ATM: variants seen among roughly 807,000 people sequenced by gnomAD.
The protein encoded by ATM is ATM serine/threonine kinase.
A neutral mutation model predicts 387.0 loss-of-function variants in ATM; 308 were observed. That is an observed-to-expected ratio of 0.80 (90% CI 0.73 to 0.87). The LOEUF is 0.87. ATM is among the 40% of genes least tolerant of loss of function. The pLI, the probability that ATM is intolerant of heterozygous loss-of-function variation, is 0.00. For missense variants in ATM, 3,312 were observed against 3,560.9 expected (o/e 0.93, Z 1.78); for synonymous variants, 1,156 against 1,187.3 (o/e 0.97, Z 0.54).
chr11:108,349,857 G>A (rs1270309831), intron 59 of ATM, among the ~76,000 whole-genome samples: 2 of 152,136 alleles, frequency 1.3e-5, no homozygotes, highest in Non-Finnish European at 2.9e-5. Context: ...CATAAAGTAC[G>A]TGAGTCTGAT....
chr11:108,250,163 T>G (rs2080055538), intron 9 of ATM, among the ~76,000 whole-genome samples: 1 of 150,822 alleles, frequency 6.6e-6, no homozygotes. Context: ...TATATATATA[T>G]ATTTTCTGAG....
intron 59 of ATM, among the ~76,000 whole-genome samples, chr11:108,350,493 C>T (rs1398966382): frequency 1.3e-5 from 2 of 152,158 alleles, no homozygotes; most frequent in East Asian, 1.9e-4. Context: ...GAGTACAACC[C>T]ATATGAGTGG....
In ATM at chr11:108,315,991, T is replaced by G. The variant is rs746766702; in HGVS notation, c.6096-20T>G. On this transcript the variant is annotated intron_variant, in intron 41 of 62. Transcript: ENST00000675843. ...TGTGTGTGTAAAACCCAAAGCTATT[T>G]TCACAATCTTTTCTTATAGACTACG... 3 of 1,613,298 alleles carry G rather than the reference T, an allele frequency of 1.9e-6. No individual in the cohort carries two copies. The Admixed American group carries it at 5.0e-5, about 27-fold the overall frequency.
chr11:108,258,947 TTTCTTTGTTGCTTGG>T (rs1258899283), intron 15 of ATM, 24 bp from the exon 16 acceptor site: 1 of 1,518,948 alleles, frequency 6.6e-7, no homozygotes, highest in East Asian at 2.3e-5. Flanking sequence ...ATTGTTTTTA[TTTCTTTGTTGCTTGG>T]TTCTTTGTTT....
At chr11:108,283,135 C>T (rs1312109130) in intron 25 of ATM, among the ~76,000 whole-genome samples, 1 of 152,126 alleles carries the variant, frequency 6.6e-6, no homozygotes, top group African/African-American at 2.4e-5. Context: ...CCCTCTATGC[C>T]TTGGTTTTTT....
At chr11:108,293,578 T>A in intron 31 of ATM, 101 bp downstream of exon 31, 2 of 1,084,018 alleles carry the variant, frequency 1.8e-6, no homozygotes, top group Non-Finnish European at 2.7e-6. Flanking sequence ...ATCTTTTCTT[T>A]AATTGTGATT....
chr11:108,268,556 A>T lies in ATM; in HGVS notation c.2785A>T (p.Met929Leu), dbSNP rs774067793. 6.2e-7 allele frequency: 1 copy of T among 1,614,082 alleles called. No individual in the cohort carries two copies. Among genetic ancestry groups the T allele is most frequent in the South Asian group, 1.1e-5 (1 of 91,086 alleles). The change falls in exon 18 of 63, where the codon ATG becomes TTG. Residue 929 changes from methionine to leucine, a missense_variant. Transcript: ENST00000675843. Reference sequence around the variant, plus strand: ...AGCTGATATTCGGAGGAAATTGTTAATGTTAATTGATTCTAGCACGCTAGA... The same window carrying T: ...AGCTGATATTCGGAGGAAATTGTTATTGTTAATTGATTCTAGCACGCTAGA... Reference protein sequence around the residue: ...RAADIRRKLLMLIDSSTLEPT... With the variant: ...RAADIRRKLLLLIDSSTLEPT...
chr11:108,240,424 A>T (rs1241889944), intron 5 of ATM, among the ~76,000 whole-genome samples: 1 of 152,066 alleles, frequency 6.6e-6, no homozygotes, highest in South Asian at 2.1e-4. Flanking sequence ...AACAATGTGG[A>T]TATGTTCTGA....
chr11:108,242,221 A>G (rs2135201292), intron 5 of ATM, among the ~76,000 whole-genome samples: 1 of 152,338 alleles, frequency 6.6e-6, no homozygotes, highest in Non-Finnish European at 1.5e-5. Context: ...GATAATAAGG[A>G]AACACTATGA....
intron 38 of ATM, chr11:108,308,975 C>T (rs1276466929): frequency 1.2e-5 from 18 of 1,514,998 alleles, no homozygotes; most frequent in Non-Finnish European, 1.5e-5. Flanking sequence ...TCAGACTTAC[C>T]ATTGGGGTAG....
Position 108,314,695 on chromosome 11 carries a change from G to A in ATM, c.6007-1128G>A, listed in dbSNP as rs575945248. Among the ~76,000 whole-genome samples the A allele has an allele frequency of 2.0e-5, 3 of 152,108 alleles. No individual in the cohort carries two copies. The South Asian group carries it at 6.2e-4, about 32-fold the overall frequency. On this transcript the variant is annotated intron_variant, in intron 40 of 62. Coordinates refer to ENST00000675843, the MANE Select transcript of ATM (RefSeq NM_000051.4). ...GGTAAAACTAAATTAGTAGTCAAAA[G>A]TTAACTACTAATAGTCTACTGTTGA... is the stretch of plus-strand genomic sequence containing the variant.
chr11:108,277,821 A>G (rs183910036), intron 22 of ATM, among the ~76,000 whole-genome samples: 2 of 152,138 alleles, frequency 1.3e-5, no homozygotes, highest in Non-Finnish European at 1.5e-5. Flanking sequence ...AACTGTTCCT[A>G]TGTTGCCATC....
intron 31 of ATM, among the ~76,000 whole-genome samples, chr11:108,294,483 T>C (rs1456167452): frequency 1.3e-5 from 2 of 152,224 alleles, no homozygotes; most frequent in Non-Finnish European, 2.9e-5. Flanking sequence ...CTCACGCCTG[T>C]AATCCCAGTG....
At position 108,362,989 on chromosome 11, in the gene ATM, A is replaced by T. The variant is rs867480373; in HGVS notation, c.8851-2093A>T. Among the ~76,000 whole-genome samples, 4 of 152,036 alleles carry T rather than the reference A, an allele frequency of 2.6e-5. No individual in the cohort carries two copies. The East Asian group carries it at 7.7e-4, about 29-fold the overall frequency. ...AAAAAACAAACAACAAAACAAACAA[A>T]CAAAAAAAACACACCCTCCAATGCT... is the stretch of plus-strand genomic sequence containing the variant. On this transcript the variant is annotated intron_variant, in intron 61 of 62. Coordinates refer to ENST00000675843, the MANE Select transcript of ATM (RefSeq NM_000051.4).
chr11:108,290,121 T>C, intron 29 of ATM: 1 of 247,298 alleles, frequency 4.0e-6, no homozygotes, highest in African/African-American at 2.2e-5. Flanking sequence ...AGCCTCCCAG[T>C]GTGCTGGGAT....
At position 108,299,780 on chromosome 11, in the gene ATM, G is replaced by A. The variant is rs1064795911; in HGVS notation, c.5072G>A (p.Ser1691Asn). 6.2e-7 allele frequency: 1 copy of A among 1,613,986 alleles called. No homozygotes were observed. The highest frequency in any genetic ancestry group is 8.5e-7 in the Non-Finnish European group (1 of 1,179,956). The change falls in exon 34 of 63, where the codon AGT becomes AAT. Residue 1691 changes from serine (S) to asparagine (N), a missense_variant. Physicochemically the swap from Ser to Asn is conservative, Grantham distance 46. Coordinates refer to ENST00000675843, the MANE Select transcript of ATM (RefSeq NM_000051.4). ...IDFSTIAIQH[S>N]KDASYTKALK... ...TTCTCTACCATAGCTATACAACATA[G>A]TAAAGATGCATCTTATACCAAGGCC...
intron 8 of ATM, 67 bp downstream of exon 8, chr11:108,247,194 T>G (rs2135271553): frequency 1.3e-6 from 2 of 1,552,538 alleles, no homozygotes; most frequent in Non-Finnish European, 1.8e-6. Flanking sequence ...CTGGGCATTT[T>G]GGGCTTTTAA....
At chr11:108,303,999 G>A (rs1180896489) in intron 36 of ATM, among the ~76,000 whole-genome samples, 1 of 152,182 alleles carries the variant, frequency 6.6e-6, no homozygotes, top group Non-Finnish European at 1.5e-5. Flanking sequence ...TGTCTTATGT[G>A]TGTGAAGTAT....
At chr11:108,302,769 A>G (rs2083490469) in intron 35 of ATM, 84 bp from the exon 36 acceptor site, 1 of 1,293,832 alleles carries the variant, frequency 7.7e-7, no homozygotes, top group African/African-American at 1.5e-5. Context: ...TTATTCAGAA[A>G]GATTTGTTAT....
Sources: allele counts gnomAD v4.1 joint callset (sites outside exome capture counted in the v4.1 genomes callset), GRCh38; gene constraint gnomAD v4.1.1; transcripts MANE v1.5; gene names NCBI Gene and HGNC (gene_info 2026-07-23, HGNC 2026-07-21).